The following CBARP variants were observed in gnomAD, a reference collection of about 807,000 sequenced individuals.
CBARP encodes the protein voltage-dependent calcium channel beta subunit-associated regulatory protein.
In CBARP, 24 loss-of-function variants were observed where a neutral mutation model predicts 36.3. That is an observed-to-expected ratio of 0.66 (90% CI 0.48 to 0.93). The LOEUF (loss-of-function observed/expected upper bound fraction) is 0.93, where lower values mean the gene tolerates loss of function less well. Ranked by LOEUF, CBARP falls within the 40% of genes least tolerant of loss-of-function variation. The probability of loss-of-function intolerance (pLI) is 0.00; values close to 1 mark genes in which losing one functional copy is unlikely to be tolerated. For synonymous variants in CBARP, 586 were observed against 453.2 expected (o/e 1.29, Z -3.72); for missense variants, 1,146 against 980.4 (o/e 1.17, Z -2.26).
rs1255948580 is a variant in CBARP at position 1,229,249 on chromosome 19, G to A, written c.2048C>T (p.Ala683Val). The A allele has an allele frequency of 4.8e-6, 6 of 1,241,410 alleles. No homozygotes were observed. In the Admixed American group the frequency reaches 1.1e-4, roughly 22 times the overall value. 76.9% of individuals were successfully genotyped at this position (1,241,410 alleles called of 1,614,324 possible). A position where few individuals can be genotyped will look rare whatever the true frequency, so the allele number is the denominator to read the frequency against. The part of the protein sequence containing the change: ...LDERLFPPRL[A>V]EPVVATPALV... ...CGCGGGAGTCGCCACGACGGGCTCGGCGAGGCGCGGCGGAAAGAGTCTCTC... is the reference window on the plus strand; with the variant it reads ...CGCGGGAGTCGCCACGACGGGCTCGACGAGGCGCGGCGGAAAGAGTCTCTC... Residue 683 changes from alanine (A) to valine (V), a missense_variant, in exon 10 of 10, where the codon GCC becomes GTC. Ala to Val is a moderately conservative substitution (Grantham distance 64). Coordinates refer to ENST00000650044, the MANE Select transcript of CBARP (RefSeq NM_001393918.1). This position sits in a 1 kb window ranked among gnomAD's most constrained non-coding sequence, Gnocchi z 5.1.
chr19:1,233,926 G>T (rs528809993), intron 7 of CBARP, among the ~76,000 whole-genome samples: 1 of 152,206 alleles, frequency 6.6e-6, no homozygotes, highest in Non-Finnish European at 1.5e-5. Context: ...GCAGGTGAGG[G>T]AGGGCAGGGG....
At chr19:1,232,188 T>C (rs1005628497) in intron 8 of CBARP, among the ~76,000 whole-genome samples, 7 of 152,082 alleles carry the variant, frequency 4.6e-5, no homozygotes, top group African/African-American at 7.2e-5. Context: ...TGCAACCACA[T>C]TGGACTCTAA....
chr19:1,236,595 A>G (rs2080977118), intron 1 of CBARP, among the ~76,000 whole-genome samples: 1 of 151,692 alleles, frequency 6.6e-6, no homozygotes, highest in South Asian at 2.1e-4. Context: ...CCACCCGGCC[A>G]TGGTTGGGTA....
rs769584644 is a variant in CBARP, at chr19:1,234,552, C to T, written c.627+19G>A. On this transcript the variant is annotated intron_variant, in intron 6 of 9. Coordinates refer to ENST00000650044, the MANE Select transcript of CBARP (RefSeq NM_001393918.1). ...CCTCCCGTCCCCCGAGGAACCGGGGCTGCTGCCCATAGGCTCACCTGGAAG... is the reference window on the plus strand; with the variant it reads ...CCTCCCGTCCCCCGAGGAACCGGGGTTGCTGCCCATAGGCTCACCTGGAAG... 2 of 1,587,000 alleles carry T rather than the reference C, an allele frequency of 1.3e-6. No individual in the cohort carries two copies.
chr19:1,229,542 C>G lies in CBARP; in HGVS notation c.1755G>C (p.Arg585=). The change falls in exon 10 of 10, where the codon CGG becomes CGC. Residue 585 remains arginine, a synonymous_variant. Transcript: ENST00000650044. This position sits in a 1 kb window ranked among gnomAD's most constrained non-coding sequence, Gnocchi z 5.1. ...PHARKQWQRG[R]QHSDPGARAA... Reference sequence around the variant, plus strand: ...CGCGGGCGCCGGGGTCGCTGTGCTGCCGGCCACGCTGCCACTGTTTGCGGG... The same window carrying G: ...CGCGGGCGCCGGGGTCGCTGTGCTGGCGGCCACGCTGCCACTGTTTGCGGG... 1.0e-6 allele frequency: 1 copy of G among 990,292 alleles called. No homozygotes were observed. Among genetic ancestry groups the G allele is most frequent in the Non-Finnish European group, 1.2e-6 (1 of 832,432 alleles). 61.3% of individuals were successfully genotyped at this position (990,292 alleles called of 1,614,324 possible). A position where few individuals can be genotyped will look rare whatever the true frequency, so the allele number is the denominator to read the frequency against.
intron 9 of CBARP, chr19:1,230,353 G>C (rs1040806194): frequency 1.0e-6 from 1 of 986,882 alleles, no homozygotes; most frequent in Non-Finnish European, 1.2e-6. Context: ...TTATTAAGCA[G>C]GGTGCCTCCA....
chr19:1,235,376 C>T (rs1278724774), intron 4 of CBARP, 125 bp downstream of exon 4: 7 of 1,185,526 alleles, frequency 5.9e-6, no homozygotes, highest in African/African-American at 3.1e-5. Context: ...GAGTCGGAAT[C>T]GAGCTGCGCC....
At position 1,237,780 on chromosome 19, in the gene CBARP, TGGGCGGCGGGC is replaced by T. The variant is rs1200962178; in HGVS notation, c.-57_-47del. 3 of 148,990 alleles carry T rather than the reference TGGGCGGCGGGC, an allele frequency of 2.0e-5. No individual in the cohort carries two copies. The highest frequency in any genetic ancestry group is 2.1e-4 in the South Asian group (1 of 4,788). 9.2% of individuals were successfully genotyped at this position (148,990 alleles called of 1,614,324 possible). ...CCTCAGCGCCGGGACGAGCGGCCCATGGGCGGCGGGCTGGCGGCGGGCGGCTGCGTGGCGCT... is the reference window on the plus strand; with the variant it reads ...CCTCAGCGCCGGGACGAGCGGCCCATTGGCGGCGGGCGGCTGCGTGGCGCT... On this transcript the variant is annotated 5_prime_UTR_variant, in exon 1 of 10. Coordinates refer to ENST00000650044, the MANE Select transcript of CBARP (RefSeq NM_001393918.1).
In CBARP at chr19:1,234,224, G is replaced by A. The variant is rs1242959514; in HGVS notation, c.735C>T (p.Pro245=). ...CTTCCCCAGAGTCGCTAGATGCCGA[G>A]GGGCTGATCTCTGCGAAGTCAGTGG... ...AGATDFAEIS[P]SASSDSGEGT... Residue 245 remains proline (P), a synonymous_variant, in exon 7 of 10, where the codon CCC becomes CCT. Transcript: ENST00000650044. 1 of 1,517,306 alleles carries A rather than the reference G, an allele frequency of 6.6e-7. No homozygotes were observed. The allele number at this position is 1,517,306 out of a possible 1,614,324, so 94.0% of individuals were successfully genotyped here.
At chr19:1,230,290 A>G (rs937118554) in intron 9 of CBARP, 148 bp from the exon 10 acceptor site, 3 of 990,958 alleles carry the variant, frequency 3.0e-6, no homozygotes, top group South Asian at 4.5e-5. Flanking sequence ...AAAATGAGCC[A>G]GTGTGTTTTG....
rs1274218643 is a variant in CBARP at position 1,230,121 on chromosome 19, C to A, written c.1176G>T (p.Ala392=). 2 of 1,049,538 alleles carry A rather than the reference C, an allele frequency of 1.9e-6. No individual in the cohort carries two copies. The highest frequency in any genetic ancestry group is 2.3e-6 in the Non-Finnish European group (2 of 867,148). The allele number at this position is 1,049,538 out of a possible 1,614,324, so 65.0% of individuals were successfully genotyped here. A position where few individuals can be genotyped will look rare whatever the true frequency, so the allele number is the denominator to read the frequency against. Residue 392 remains alanine, a synonymous_variant, in exon 10 of 10, where the codon GCG becomes GCT. Transcript: ENST00000650044. ...ALGRLEAAEA[A]GGASPDSPPE... ...GGGGGGAATCGGGGCTCGCTCCTCC[C>A]GCTGCCTCGGCCGCCTCTAGCCTGC...
chr19:1,232,213 C>T (rs973331034), intron 8 of CBARP, among the ~76,000 whole-genome samples: 3 of 152,134 alleles, frequency 2.0e-5, no homozygotes, highest in African/African-American at 7.2e-5. Context: ...CTCTAGTCAC[C>T]CCTGGGCCCC....
In CBARP at chr19:1,229,191, G is replaced by A; in HGVS notation, c.2106C>T (p.His702=). 8.5e-7 allele frequency: 1 copy of A among 1,176,284 alleles called. No homozygotes were observed. Among genetic ancestry groups the A allele is most frequent in the Non-Finnish European group, 1.1e-6 (1 of 930,386 alleles). The allele number at this position is 1,176,284 out of a possible 1,614,324, so 72.9% of individuals were successfully genotyped here. The change falls in exon 10 of 10, where the codon CAC becomes CAT. Residue 702 remains histidine, a synonymous_variant. Transcript: ENST00000650044. This position sits in a 1 kb window ranked among gnomAD's most constrained non-coding sequence, Gnocchi z 5.1. The part of the protein sequence containing the change: ...LVAAAPTSPD[H]SPA ...CAGGACGCGGGACTTAGGCCGGGCT[G>A]TGGTCGGGGGACGTGGGGGCGGCGG...
At position 1,229,820 on chromosome 19, in the gene CBARP, C is replaced by T; in HGVS notation, c.1477G>A (p.Gly493Ser). 9 of 987,018 alleles carry T rather than the reference C, an allele frequency of 9.1e-6. No homozygotes were observed. The highest frequency in any genetic ancestry group is 1.1e-5 in the Non-Finnish European group (9 of 831,742). The allele number at this position is 987,018 out of a possible 1,614,324, so 61.1% of individuals were successfully genotyped here. A position where few individuals can be genotyped will look rare whatever the true frequency, so the allele number is the denominator to read the frequency against. The change falls in exon 10 of 10, where the codon GGC (glycine) becomes AGC (serine). Residue 493 changes from glycine (G) to serine (S), a missense_variant. Physicochemically the swap from Gly to Ser is moderately conservative, Grantham distance 56. Coordinates refer to ENST00000650044, the MANE Select transcript of CBARP (RefSeq NM_001393918.1). The surrounding 1 kb of genome is among the most constrained non-coding windows in gnomAD (Gnocchi z 5.1). ...PSPPAPRPKD[G>S]EARRLLQMDS... The stretch of plus-strand genomic sequence containing the variant: ...ATCTGCAGCAGCCGGCGCGCCTCGC[C>T]GTCCTTGGGCCGCGGCGCGGGCGGG...
At chr19:1,235,255 C>T in intron 4 of CBARP, 110 bp from the exon 5 acceptor site, 1 of 1,243,580 alleles carries the variant, frequency 8.0e-7, no homozygotes, top group South Asian at 2.0e-5. Context: ...GGGGCCGCGG[C>T]ACGGGCGGCC....
chr19:1,236,251 G>A (rs778064704), intron 1 of CBARP, 130 bp from the exon 2 acceptor site: 70 of 1,264,230 alleles, frequency 5.5e-5, no homozygotes, highest in Middle Eastern at 2.9e-4. Flanking sequence ...AGAGGTAGCA[G>A]AGCCGGAGGC....
chr19:1,231,327 CCACA>C (rs761678177), intron 8 of CBARP, 52 bp from the exon 9 acceptor site: 8 of 1,561,126 alleles, frequency 5.1e-6, no homozygotes, highest in South Asian at 3.5e-5. Flanking sequence ...TCCACCCGCT[CCACA>C]CACACACAGA....
rs775210067 is a variant in CBARP at position 1,229,376 on chromosome 19, G to A, written c.1921C>T (p.Pro641Ser). 1.5e-5 allele frequency: 17 copies of A among 1,151,026 alleles called. No individual in the cohort carries two copies. Among genetic ancestry groups the A allele is most frequent in the Admixed American group, 4.1e-5 (1 of 24,338 alleles). The allele number at this position is 1,151,026 out of a possible 1,614,324, so 71.3% of individuals were successfully genotyped here. Residue 641 changes from proline (P) to serine (S), a missense_variant, in exon 10 of 10, where the codon CCC becomes TCC. Pro to Ser is a moderately conservative substitution (Grantham distance 74). Transcript: ENST00000650044. The surrounding 1 kb of genome is among the most constrained non-coding windows in gnomAD (Gnocchi z 5.1). The stretch of plus-strand genomic sequence containing the variant: ...CCGCCCGGCTCCTCCTCGATGACGG[G>A]GATGGCGGGGTCGTCGCCGGCGCCG... ...LGGAGDDPAI[P>S]VIEEEPGGGG... is the part of the protein sequence containing the mutation.
rs1442612127 is a variant in CBARP at position 1,229,416 on chromosome 19, G to A, written c.1881C>T (p.Asp627=). Residue 627 remains aspartate, a synonymous_variant, in exon 10 of 10, where the codon GAC becomes GAT. Coordinates refer to ENST00000650044, the MANE Select transcript of CBARP (RefSeq NM_001393918.1). The surrounding 1 kb of genome is among the most constrained non-coding windows in gnomAD (Gnocchi z 5.1). ...RRGDSVDGPP[D]GRTLGGAGDD... ...CGCCGGCGCCGCCCAGGGTGCGACCGTCGGGCGGGCCGTCCACGCTGTCGC... is the reference window on the plus strand; with the variant it reads ...CGCCGGCGCCGCCCAGGGTGCGACCATCGGGCGGGCCGTCCACGCTGTCGC... 4 of 1,020,836 alleles carry A rather than the reference G, an allele frequency of 3.9e-6. No homozygotes were observed. The highest frequency in any genetic ancestry group is 1.8e-5 in the African/African-American group (1 of 56,874). The allele number at this position is 1,020,836 out of a possible 1,614,324, so 63.2% of individuals were successfully genotyped here.
Sources: allele counts gnomAD v4.1 joint callset (sites outside exome capture counted in the v4.1 genomes callset), GRCh38; gene constraint gnomAD v4.1.1; non-coding constraint Gnocchi (gnomAD v3.1); transcripts MANE v1.5; gene names NCBI Gene and HGNC (gene_info 2026-07-23, HGNC 2026-07-21).